Variants in GALNT14 observed in about 807,000 individuals in gnomAD.
GALNT14 encodes UDP-GalNAc:polypeptide N-acetylgalactosaminyltransferase 14.
GALNT14 carries 60 observed loss-of-function variants against 77.5 expected under a neutral mutation model. That is an observed-to-expected ratio of 0.77 (90% confidence interval 0.63 to 0.96). The LOEUF is 0.96. Among genes scored for constraint, GALNT14 ranks in the 40% least tolerant of loss-of-function variants. The pLI is 0.00. For synonymous variants in GALNT14, 280 were observed against 281.7 expected (o/e 0.99, Z 0.06); for missense variants, 710 against 731.0 (o/e 0.97, Z 0.33).
chr2:31,029,256 T>C (rs576426414), intron 1 of GALNT14, among the ~76,000 whole-genome samples: 5 of 152,290 alleles, frequency 3.3e-5, no homozygotes, highest in African/African-American at 9.6e-5. Flanking sequence ...AGTGGAGGAA[T>C]ATAAGGAACT....
intron 1 of GALNT14, among the ~76,000 whole-genome samples, chr2:31,132,265 C>T (rs1679031983): frequency 6.6e-6 from 1 of 152,142 alleles, no homozygotes; most frequent in African/African-American, 2.4e-5. Flanking sequence ...CTCACCATAC[C>T]CATGGGATAG....
chr2:31,044,468 T>C (rs1443741694), intron 1 of GALNT14, among the ~76,000 whole-genome samples: 1 of 152,208 alleles, frequency 6.6e-6, no homozygotes, highest in Non-Finnish European at 1.5e-5. Context: ...TAGGATGTAA[T>C]TCAGAGCAAG....
At chr2:31,075,331 G>A (rs915145397) in intron 1 of GALNT14, among the ~76,000 whole-genome samples, 3 of 152,128 alleles carry the variant, frequency 2.0e-5, no homozygotes, top group African/African-American at 7.2e-5. Flanking sequence ...CCAGTCTCAG[G>A]TATTCCTTTA....
chr2:31,049,784 T>C (rs1673721304), intron 1 of GALNT14, among the ~76,000 whole-genome samples: 1 of 152,230 alleles, frequency 6.6e-6, no homozygotes, highest in African/African-American at 2.4e-5. Context: ...CCTTCCTCAC[T>C]GATTCCCTTC....
chr2:30,894,583 A>C, the GALNT14 span, among the ~76,000 whole-genome samples: 2 of 152,210 alleles, frequency 1.3e-5, no homozygotes, highest in Non-Finnish European at 2.9e-5. Flanking sequence ...ATAATGGAGA[A>C]TTCCCAGCAG....
chr2:30,900,373 G>A, the GALNT14 span, among the ~76,000 whole-genome samples: 1 of 152,060 alleles, frequency 6.6e-6, no homozygotes, highest in African/African-American at 2.4e-5. Flanking sequence ...AAATCTATGT[G>A]TATTACAACA....
At chr2:31,120,981 G>T (rs894696943) in intron 1 of GALNT14, among the ~76,000 whole-genome samples, 2 of 152,228 alleles carry the variant, frequency 1.3e-5, no homozygotes, top group African/African-American at 4.8e-5. Flanking sequence ...GAGGTGCAGT[G>T]GATCAGCACA....
rs927409088 is a variant in GALNT14 at position 31,078,697 on chromosome 2, A to G, written c.129+59261T>C. Reference sequence around the variant, plus strand: ...GGGAGCTCTCAGGCCCCGGGGCCACACCGCATGCTCAGGACAGGGCAAGGC... The same window carrying G: ...GGGAGCTCTCAGGCCCCGGGGCCACGCCGCATGCTCAGGACAGGGCAAGGC... On this transcript the variant is annotated intron_variant, in intron 1 of 14. Coordinates refer to ENST00000349752, the MANE Select transcript of GALNT14 (RefSeq NM_024572.4). 1.3e-5 allele frequency among the ~76,000 whole-genome samples: 2 copies of G among 152,194 alleles called. 1 individual carries two copies. The highest frequency in any genetic ancestry group is 1.3e-4 in the Admixed American group (2 of 15,288).
At chr2:30,939,976 T>C (rs930008526) in intron 9 of GALNT14, among the ~76,000 whole-genome samples, 10 of 148,108 alleles carry the variant, frequency 6.8e-5, no homozygotes, top group Non-Finnish European at 1.2e-4. Flanking sequence ...GGAAAAGCAC[T>C]GCATTTTCTG....
the GALNT14 span, among the ~76,000 whole-genome samples, chr2:30,903,743 G>T: frequency 6.6e-6 from 1 of 152,220 alleles, no homozygotes; most frequent in Non-Finnish European, 1.5e-5. Context: ...TATGGGAATA[G>T]ATGTGTGTTG....
Position 30,941,367 on chromosome 2 carries a change from CT to C in GALNT14, c.931+833del, listed in dbSNP as rs139542141. On this transcript the variant is annotated intron_variant, in intron 9 of 14. Transcript: ENST00000349752. ...GTGCAGCTTCTATCCTAGTGATCTC[CT>C]AGGTCTCACCTGCTGGAGGGAACTG... 7.4e-4 allele frequency among the ~76,000 whole-genome samples: 113 copies of C among 152,352 alleles called. 2 individuals carry two copies. Among genetic ancestry groups the C allele is most frequent in the African/African-American group, 2.6e-3 (110 of 41,590 alleles).
At chr2:31,019,314 A>T (rs1262802352) in intron 1 of GALNT14, among the ~76,000 whole-genome samples, 3 of 152,168 alleles carry the variant, frequency 2.0e-5, no homozygotes, top group Admixed American at 1.3e-4. Context: ...ATTTGTTGGT[A>T]TCAGAGTTTA....
At chr2:31,041,182 T>C (rs779313495) in intron 1 of GALNT14, among the ~76,000 whole-genome samples, 2 of 151,992 alleles carry the variant, frequency 1.3e-5, no homozygotes, top group Non-Finnish European at 2.9e-5. Context: ...TCACTGCAGA[T>C]GCTAGAAGGC....
At chr2:30,901,689 ATG>A in the GALNT14 span, among the ~76,000 whole-genome samples, 8 of 151,950 alleles carry the variant, frequency 5.3e-5, no homozygotes, top group South Asian at 2.1e-4. Context: ...GTGTATATAT[ATG>A]TGTGTGTGTG....
chr2:31,013,566 C>G (rs764934543), intron 1 of GALNT14, among the ~76,000 whole-genome samples: 1 of 152,192 alleles, frequency 6.6e-6, no homozygotes, highest in Non-Finnish European at 1.5e-5. Flanking sequence ...TTTTAACCTG[C>G]TGAGGTGCCG....
Position 30,966,760 on chromosome 2 carries a change from C to G in GALNT14, c.300-458G>C, listed in dbSNP as rs532241443. Among the ~76,000 whole-genome samples, 47 of 152,256 alleles carry G rather than the reference C, an allele frequency of 3.1e-4. 1 individual carries two copies. The highest frequency in any genetic ancestry group is 2.7e-3 in the South Asian group (13 of 4,824). ...TTCTGGGCTAACAGCTTCAGGCTAC[C>G]ATGTTGTGCTGACGCCCAGCCCCTG... On this transcript the variant is annotated intron_variant, in intron 2 of 14. Coordinates refer to ENST00000349752, the MANE Select transcript of GALNT14 (RefSeq NM_024572.4).
chr2:30,952,077 A>G (rs1027543051), intron 6 of GALNT14, among the ~76,000 whole-genome samples: 11 of 152,246 alleles, frequency 7.2e-5, no homozygotes, highest in Non-Finnish European at 1.3e-4. Flanking sequence ...TTCTCTCGGC[A>G]AGGAGCAAAC....
At chr2:30,920,021 TC>T (rs1664936961) in intron 13 of GALNT14, among the ~76,000 whole-genome samples, 1 of 152,154 alleles carries the variant, frequency 6.6e-6, no homozygotes, top group Admixed American at 6.5e-5. Context: ...CTTGCCACTC[TC>T]CCCTGTCAAG....
chr2:30,923,093 A>G lies in GALNT14; in HGVS notation c.1380+1026T>C, dbSNP rs368568749. 4.8e-3 allele frequency among the ~76,000 whole-genome samples: 583 copies of G among 121,188 alleles called. 11 individuals carry two copies. Among genetic ancestry groups the G allele is most frequent in the South Asian group, 0.035 (142 of 4,068 alleles). 79.5% of individuals were successfully genotyped at this position (121,188 alleles called of 152,430 possible). On this transcript the variant is annotated intron_variant, in intron 13 of 14. Transcript: ENST00000349752. ...TTTTTTTTTTTTGAAATGGAGTTTC[A>G]CTATTGTTGCCTGGGCTGGAGTGCA...
Sources: allele counts gnomAD v4.1 joint callset (sites outside exome capture counted in the v4.1 genomes callset), GRCh38; gene constraint gnomAD v4.1.1; transcripts MANE v1.5; gene names NCBI Gene and HGNC (gene_info 2026-07-23, HGNC 2026-07-21).